EYS: variants seen among roughly 807,000 people sequenced by gnomAD.
The protein encoded by EYS is protein eyes shut homolog.
In EYS, 250 loss-of-function variants were observed where a neutral mutation model predicts 282.1. The observed-to-expected ratio is 0.89, with a 90% confidence interval of 0.80 to 0.98. EYS has a LOEUF of 0.98. EYS is among the 50% of genes least tolerant of loss of function. The pLI, the probability that EYS is intolerant of heterozygous loss-of-function variation, is 0.00. For missense variants in EYS, 4,016 were observed against 3,709.0 expected (o/e 1.08, Z -2.15); for synonymous variants, 1,355 against 1,282.9 (o/e 1.06, Z -1.20).
rs563667465 is a variant in EYS at position 64,386,241 on chromosome 6, CT to C, written c.6078+2448del. Among the ~76,000 whole-genome samples the C allele has an allele frequency of 1.9e-3, 296 of 152,302 alleles. 1 individual carries two copies. Among genetic ancestry groups the C allele is most frequent in the African/African-American group, 6.5e-3 (272 of 41,574 alleles). ...GAAAATCATTTCTGCCCAAAAGCAACTGTATTAGTCTGTTCTCACATTGCTA... is the reference window on the plus strand; with the variant it reads ...GAAAATCATTTCTGCCCAAAAGCAACGTATTAGTCTGTTCTCACATTGCTA... On this transcript the variant is annotated intron_variant, in intron 29 of 42. Transcript: ENST00000503581.
chr6:63,942,043 A>G (rs1480171537), intron 35 of EYS, among the ~76,000 whole-genome samples: 1 of 152,186 alleles, frequency 6.6e-6, no homozygotes, highest in Non-Finnish European at 1.5e-5. Context: ...ACTTGTATTG[A>G]AGTAGTCTAC....
chr6:63,996,653 G>A (rs1472845137), intron 34 of EYS, among the ~76,000 whole-genome samples: 1 of 152,080 alleles, frequency 6.6e-6, no homozygotes, highest in Non-Finnish European at 1.5e-5. Context: ...TAGAATGTCT[G>A]GGTTTGAATC....
At chr6:64,404,694 T>A (rs773702537) in intron 28 of EYS, among the ~76,000 whole-genome samples, 5 of 152,170 alleles carry the variant, frequency 3.3e-5, no homozygotes, top group Non-Finnish European at 7.3e-5. Flanking sequence ...GGTTGGGGAC[T>A]GATTTAATCT....
At chr6:64,881,352 T>A (rs1766913049) in intron 19 of EYS, among the ~76,000 whole-genome samples, 1 of 151,876 alleles carries the variant, frequency 6.6e-6, no homozygotes, top group Non-Finnish European at 1.5e-5. Flanking sequence ...TATAACAGAT[T>A]CACTGTGCCA....
intron 28 of EYS, chr6:64,412,850 A>T (rs945917089): frequency 1.1e-4 from 16 of 152,178 alleles, no homozygotes; most frequent in Non-Finnish European, 2.1e-4. Flanking sequence ...ACAAACTAAA[A>T]ATTCACAAAG....
At chr6:64,027,305 C>T (rs1769567897) in intron 33 of EYS, among the ~76,000 whole-genome samples, 1 of 152,172 alleles carries the variant, frequency 6.6e-6, no homozygotes, top group African/African-American at 2.4e-5. Flanking sequence ...AATCCTTCTG[C>T]CTTCCTCAAG....
chr6:65,470,359 G>T (rs553594008), intron 5 of EYS, among the ~76,000 whole-genome samples: 1 of 152,100 alleles, frequency 6.6e-6, no homozygotes, highest in East Asian at 1.9e-4. Context: ...AAAATACAAT[G>T]AACACATTGC....
intron 2 of EYS, among the ~76,000 whole-genome samples, chr6:65,526,183 C>G (rs765295117): frequency 6.6e-6 from 1 of 152,144 alleles, no homozygotes; most frequent in Non-Finnish European, 1.5e-5. Flanking sequence ...GGGCCTCATT[C>G]TATTGACCTT....
At chr6:64,136,052 G>A (rs907823992) in intron 31 of EYS, among the ~76,000 whole-genome samples, 7 of 151,460 alleles carry the variant, frequency 4.6e-5, no homozygotes, top group African/African-American at 9.7e-5. Flanking sequence ...CCTTGCCACT[G>A]CTTTATCAAC....
intron 26 of EYS, among the ~76,000 whole-genome samples, chr6:64,528,087 A>G (rs1457278139): frequency 6.6e-6 from 1 of 151,932 alleles, no homozygotes; most frequent in Non-Finnish European, 1.5e-5. Flanking sequence ...TGAAATATGA[A>G]TTCAATTACA....
At chr6:64,240,235 G>T (rs768280053) in intron 30 of EYS, among the ~76,000 whole-genome samples, 8 of 152,088 alleles carry the variant, frequency 5.3e-5, no homozygotes, top group Non-Finnish European at 7.4e-5. Flanking sequence ...TTGGCTATGC[G>T]TGCTCTTTTT....
intron 33 of EYS, among the ~76,000 whole-genome samples, chr6:64,064,629 C>T (rs780270040): frequency 2.1e-4 from 32 of 152,092 alleles, no homozygotes; most frequent in Non-Finnish European, 3.7e-4. Flanking sequence ...ATTTATTTTA[C>T]AGGTTGTTTT....
intron 9 of EYS, among the ~76,000 whole-genome samples, chr6:65,349,594 T>C (rs1021181298): frequency 1.3e-5 from 2 of 151,618 alleles, no homozygotes; most frequent in African/African-American, 2.4e-5. Context: ...TTTTGAAGTA[T>C]ATACACATTG....
chr6:64,694,531 G>T (rs1183977747), intron 22 of EYS, among the ~76,000 whole-genome samples: 1 of 152,120 alleles, frequency 6.6e-6, no homozygotes, highest in Non-Finnish European at 1.5e-5. Flanking sequence ...GAAGTGCCCT[G>T]CATGCATTCC....
At chr6:63,876,377 G>A (rs1209256011) in intron 35 of EYS, among the ~76,000 whole-genome samples, 1 of 152,224 alleles carries the variant, frequency 6.6e-6, no homozygotes, top group Non-Finnish European at 1.5e-5. Context: ...TTGCTGAGGA[G>A]TGCTTTACTT....
chr6:64,305,584 T>C (rs1415202081), intron 30 of EYS, among the ~76,000 whole-genome samples: 2 of 152,212 alleles, frequency 1.3e-5, no homozygotes, highest in Non-Finnish European at 2.9e-5. Context: ...TAAACCCTTA[T>C]GTATATGATT....
At chr6:65,133,554 T>C (rs1272894325) in intron 12 of EYS, among the ~76,000 whole-genome samples, 1 of 152,018 alleles carries the variant, frequency 6.6e-6, no homozygotes, top group East Asian at 1.9e-4. Flanking sequence ...TTTGCTGGGA[T>C]AACTAGCTAG....
intron 29 of EYS, among the ~76,000 whole-genome samples, chr6:64,374,054 A>G (rs1397857996): frequency 2.6e-5 from 4 of 152,052 alleles, no homozygotes; most frequent in East Asian, 1.9e-4. Context: ...ACTTGGCTGG[A>G]AACTCTAGCA....
chr6:64,105,058 G>C (rs1350812378), intron 31 of EYS, among the ~76,000 whole-genome samples: 1 of 151,980 alleles, frequency 6.6e-6, no homozygotes, highest in African/African-American at 2.4e-5. Context: ...GGGAGAGACA[G>C]AAGATGAAAG....
Sources: gnomAD v4.1 joint callset for allele counts (sites outside exome capture counted in the v4.1 genomes callset) on GRCh38, gnomAD v4.1.1 for gene constraint, MANE v1.5 for transcripts, NCBI Gene and HGNC (gene_info 2026-07-23, HGNC 2026-07-21) for gene names.